UFSP2: variants seen among roughly 807,000 people sequenced by gnomAD.
UFSP2 encodes the protein UFM1 specific peptidase 2.
UFSP2 carries 43 observed loss-of-function variants against 60.2 expected under a neutral mutation model. That is an observed-to-expected ratio of 0.71 (90% CI 0.56 to 0.92). UFSP2 has a LOEUF of 0.92. Ranked by LOEUF, UFSP2 falls within the 40% of genes least tolerant of loss-of-function variation. The pLI is 0.00. For missense variants in UFSP2, 520 were observed against 575.0 expected (o/e 0.90, Z 0.98); for synonymous variants, 183 against 195.1 (o/e 0.94, Z 0.52).
chr4:185,419,352 G>C (rs1262325151), intron 2 of UFSP2, among the ~76,000 whole-genome samples: 2 of 152,016 alleles, frequency 1.3e-5, no homozygotes, highest in East Asian at 1.9e-4. Context: ...GGATGGTCTC[G>C]ATCTCCTGAC....
At chr4:185,424,854 G>C (rs2095556368) in intron 1 of UFSP2, among the ~76,000 whole-genome samples, 1 of 152,178 alleles carries the variant, frequency 6.6e-6, no homozygotes, top group Non-Finnish European at 1.5e-5. Flanking sequence ...TCCCAGGGTT[G>C]TTATGAAGAT....
chr4:185,400,482 G>A lies in UFSP2; in HGVS notation c.1324-4C>T. ...GGCCCTTCCATCCGCACCAGCCCTG[G>A]ATAGAGAAGACGGGAAAGGAAAGCC... On this transcript the variant is annotated splice_region_variant and splice_polypyrimidine_tract_variant and intron_variant, in intron 11 of 11. Transcript: ENST00000264689. The A allele has an allele frequency of 1.9e-6, 3 of 1,608,736 alleles. No homozygotes were observed. Among genetic ancestry groups the A allele is most frequent in the Non-Finnish European group, 2.5e-6 (3 of 1,176,762 alleles).
At chr4:185,401,977 G>T (rs1017361236) in intron 11 of UFSP2, among the ~76,000 whole-genome samples, 3 of 152,302 alleles carry the variant, frequency 2.0e-5, no homozygotes, top group Admixed American at 1.3e-4. Flanking sequence ...GACTGAGCTT[G>T]GTGTGTCCTT....
intron 9 of UFSP2, among the ~76,000 whole-genome samples, chr4:185,407,585 G>T (rs911437604): frequency 6.7e-6 from 1 of 150,182 alleles, no homozygotes; most frequent in African/African-American, 2.5e-5. Context: ...TTTGAGTTTT[G>T]CCTTTTAAGA....
intron 1 of UFSP2, 51 bp downstream of exon 1, chr4:185,425,815 G>C: frequency 1.3e-6 from 2 of 1,587,624 alleles, no homozygotes; most frequent in Non-Finnish European, 1.7e-6. Context: ...CGTGGCGGCT[G>C]CCAAAGTCCG....
At position 185,400,024 on chromosome 4, in the gene UFSP2, G is replaced by A. The variant is rs201799966; in HGVS notation, c.*368C>T. On this transcript the variant is annotated 3_prime_UTR_variant, in exon 12 of 12. Coordinates refer to ENST00000264689, the MANE Select transcript of UFSP2 (RefSeq NM_018359.5). ...ACGTGTTTTTAAAAACAGATGTCAC[G>A]TGGGTTATGAAGAAGTCTGAAGAAC... 14 of 1,599,248 alleles carry A rather than the reference G, an allele frequency of 8.8e-6. No individual in the cohort carries two copies. Among genetic ancestry groups the A allele is most frequent in the South Asian group, 2.3e-5 (2 of 87,918 alleles).
intron 1 of UFSP2, 83 bp downstream of exon 1, chr4:185,425,783 T>A: frequency 1.3e-6 from 2 of 1,553,384 alleles, no homozygotes; most frequent in Non-Finnish European, 1.7e-6. Context: ...ACCAGCTCCT[T>A]TCAGGCGCTG....
intron 6 of UFSP2, 70 bp downstream of exon 6, chr4:185,415,085 A>T: frequency 7.7e-7 from 1 of 1,292,294 alleles, no homozygotes; most frequent in Non-Finnish European, 1.1e-6. Context: ...TTTAGTGGAA[A>T]TATATAATTA....
rs138822769 is a variant in UFSP2, at chr4:185,425,631, G to A, written c.3+235C>T. Among the ~76,000 whole-genome samples the A allele has an allele frequency of 4.2e-3, 633 of 152,372 alleles. 5 individuals are homozygous for A. Among genetic ancestry groups the A allele is most frequent in the African/African-American group, 0.015 (611 of 41,594 alleles). ...CAAAATACTTTCACACAGAGAAGTA[G>A]CAGGGGGTGCGTGTCCAAGGTGGCC... On this transcript the variant is annotated intron_variant, in intron 1 of 11. Transcript: ENST00000264689.
chr4:185,413,655 T>A, intron 7 of UFSP2, 71 bp downstream of exon 7: 1 of 1,426,528 alleles, frequency 7.0e-7, no homozygotes, highest in Non-Finnish European at 9.5e-7. Flanking sequence ...AGTCTCCTAC[T>A]GGGTACCAAC....
intron 10 of UFSP2, among the ~76,000 whole-genome samples, chr4:185,404,835 C>T (rs1237301244): frequency 6.6e-6 from 1 of 152,122 alleles, no homozygotes; most frequent in East Asian, 1.9e-4. Flanking sequence ...ATCCGCCCGC[C>T]TCAGCCTCCC....
chr4:185,405,172 G>GT (rs781007984), intron 10 of UFSP2, among the ~76,000 whole-genome samples: 853 of 139,330 alleles, frequency 6.1e-3, no homozygotes, highest in Middle Eastern at 0.037. Flanking sequence ...TAATTTGTGT[G>GT]TTTTTTTTTT....
At position 185,408,444 on chromosome 4, in the gene UFSP2, A is replaced by G. The variant is rs2095524049; in HGVS notation, c.832-9T>C. The G allele has an allele frequency of 1.9e-6, 3 of 1,611,368 alleles. No individual in the cohort carries two copies. Among genetic ancestry groups the G allele is most frequent in the African/African-American group, 2.7e-5 (2 of 74,826 alleles). ...CCCTGGACCACATAAATCTATATAC[A>G]GAGAAGAAACACAGTAAAATATTAA... On this transcript the variant is annotated splice_polypyrimidine_tract_variant and intron_variant, in intron 7 of 11. Coordinates refer to ENST00000264689, the MANE Select transcript of UFSP2 (RefSeq NM_018359.5).
In UFSP2 at chr4:185,402,928, C is replaced by T. The variant is rs1298764586; in HGVS notation, c.1323+566G>A. On this transcript the variant is annotated intron_variant, in intron 11 of 11. Transcript: ENST00000264689. ...GTTTTACAATACTTTCTCCTAAAGACTTGGTACTGAGTTTTCATATGTGAG... is the reference window on the plus strand; with the variant it reads ...GTTTTACAATACTTTCTCCTAAAGATTTGGTACTGAGTTTTCATATGTGAG... Among the ~76,000 whole-genome samples the T allele has an allele frequency of 3.3e-5, 5 of 152,156 alleles. No homozygotes were observed. The South Asian group carries it at 6.2e-4, about 19-fold the overall frequency.
At chr4:185,409,726 T>G (rs568343422) in intron 7 of UFSP2, among the ~76,000 whole-genome samples, 1 of 152,134 alleles carries the variant, frequency 6.6e-6, no homozygotes, top group Non-Finnish European at 1.5e-5. Context: ...AAAGCAAAGG[T>G]ATTCATAGAC....
chr4:185,425,892 G>A lies in UFSP2; in HGVS notation c.-24C>T. The A allele has an allele frequency of 6.3e-7, 1 of 1,596,280 alleles. No individual in the cohort carries two copies. Among genetic ancestry groups the A allele is most frequent in the Non-Finnish European group, 8.5e-7 (1 of 1,171,676 alleles). ...ATGTCCGCGACGTGGCGGTGACACG[G>A]GCGCTGACGCCTGCCCAAAAGTTCC... is the stretch of plus-strand genomic sequence containing the variant. On this transcript the variant is annotated 5_prime_UTR_variant, in exon 1 of 12. Coordinates refer to ENST00000264689, the MANE Select transcript of UFSP2 (RefSeq NM_018359.5).
At chr4:185,424,776 A>C (rs1447416554) in intron 1 of UFSP2, among the ~76,000 whole-genome samples, 1 of 152,252 alleles carries the variant, frequency 6.6e-6, no homozygotes, top group African/African-American at 2.4e-5. Context: ...CTTACTGTAC[A>C]ATTTTACACA....
rs747035506 is a variant in UFSP2 at position 185,408,261 on chromosome 4, T to A, written c.996+10A>T. The A allele has an allele frequency of 6.2e-7, 1 of 1,612,670 alleles. No homozygotes were observed. The highest frequency in any genetic ancestry group is 2.2e-5 in the East Asian group (1 of 44,868). ...CAGTTGATTATAATTTAAAACGGTA[T>A]GTTCTGTACCTGCTGAATTTCTCTG... On this transcript the variant is annotated intron_variant, in intron 8 of 11. Transcript: ENST00000264689.
intron 11 of UFSP2, among the ~76,000 whole-genome samples, chr4:185,402,596 C>CT (rs2095514657): frequency 6.6e-6 from 1 of 152,162 alleles, no homozygotes; most frequent in Non-Finnish European, 1.5e-5. Context: ...CTGCCTCAGC[C>CT]TCCCAAATAG....
Sources: allele counts gnomAD v4.1 joint callset (sites outside exome capture counted in the v4.1 genomes callset), GRCh38; gene constraint gnomAD v4.1.1; transcripts MANE v1.5; gene names NCBI Gene and HGNC (gene_info 2026-07-23, HGNC 2026-07-21).